PITPNM3: variants seen among roughly 807,000 people sequenced by gnomAD.
PITPNM3 encodes membrane-associated phosphatidylinositol transfer protein 3.
PITPNM3 carries 26 observed loss-of-function variants against 102.0 expected under a neutral mutation model. The observed-to-expected ratio is 0.25, with a 90% confidence interval of 0.19 to 0.35. The LOEUF (loss-of-function observed/expected upper bound fraction) is 0.35. PITPNM3 is among the 10% of genes least tolerant of loss of function. The pLI is 1.00. For synonymous variants in PITPNM3, 578 were observed against 558.6 expected, an observed-to-expected ratio of 1.03 and a Z score of -0.49; for missense variants, 1,083 against 1,346.1, an observed-to-expected ratio of 0.80 and a Z score of 3.06.
chr17:6,490,333 C>A (rs557821373), intron 4 of PITPNM3, among the ~76,000 whole-genome samples: 2 of 152,236 alleles, frequency 1.3e-5, no homozygotes, highest in East Asian at 3.9e-4. Context: ...ACACGCTCTG[C>A]AAACCACCGC....
At position 6,452,668 on chromosome 17, in the gene PITPNM3, G is replaced by C. The variant is rs918243921; in HGVS notation, c.*2670C>G. The C allele has an allele frequency of 6.6e-6, 1 of 152,142 alleles. No individual in the cohort carries two copies. The highest frequency in any genetic ancestry group is 1.5e-5 in the Non-Finnish European group (1 of 68,044). The allele number at this position is 152,142 out of a possible 1,614,324, so 9.4% of individuals were successfully genotyped here. On this transcript the variant is annotated 3_prime_UTR_variant, in exon 20 of 20. Coordinates refer to ENST00000262483, the MANE Select transcript of PITPNM3 (RefSeq NM_031220.4). ...GCAGTACTGAAACATACCTTGTCTC[G>C]CCACTAAACAGAACCGCAGGTACAC...
intron 3 of PITPNM3, among the ~76,000 whole-genome samples, chr17:6,514,482 A>C (rs552043582): frequency 1.2e-4 from 19 of 152,346 alleles, no homozygotes; most frequent in African/African-American, 4.3e-4. Context: ...TAAACAAACG[A>C]TGAATAAGCA....
At chr17:6,499,503 C>T (rs932074554) in intron 4 of PITPNM3, among the ~76,000 whole-genome samples, 5 of 152,154 alleles carry the variant, frequency 3.3e-5, no homozygotes, top group African/African-American at 9.7e-5. Context: ...ACCAGTAGAG[C>T]GCCAGAAAGA....
intron 18 of PITPNM3, chr17:6,461,019 C>A (rs535878637): frequency 2.5e-5 from 9 of 361,096 alleles, no homozygotes; most frequent in South Asian, 1.5e-4. Context: ...CCTCTGCCCC[C>A]CTGGTTCTGT....
chr17:6,464,897 T>G, intron 14 of PITPNM3, 126 bp from the exon 15 acceptor site: 1 of 901,384 alleles, frequency 1.1e-6, no homozygotes, highest in South Asian at 1.3e-5. Context: ...TCTACTAACT[T>G]CTGCTAGAGT....
At chr17:6,471,449 C>T (rs751553103) in intron 11 of PITPNM3, 94 bp from the exon 12 acceptor site, 53 of 1,249,680 alleles carry the variant, frequency 4.2e-5, no homozygotes, top group Non-Finnish European at 5.6e-5. Flanking sequence ...AGGCTGGGCA[C>T]TTGGAGGAGT....
chr17:6,491,901 C>T (rs915787990), intron 4 of PITPNM3, among the ~76,000 whole-genome samples: 8 of 128,970 alleles, frequency 6.2e-5, no homozygotes, highest in Admixed American at 4.1e-4. Context: ...AGGGGCTAGG[C>T]GCCATGGCTC....
chr17:6,506,910 G>A (rs1907548783), intron 3 of PITPNM3, among the ~76,000 whole-genome samples: 2 of 152,246 alleles, frequency 1.3e-5, no homozygotes, highest in Non-Finnish European at 2.9e-5. Flanking sequence ...ATCCAGGGTA[G>A]ACAAGAGTAT....
At chr17:6,479,128 G>C in intron 6 of PITPNM3, 1 of 202,606 alleles carries the variant, frequency 4.9e-6, no homozygotes, top group Non-Finnish European at 1.0e-5. Flanking sequence ...GGAGGAGGTG[G>C]GGCTTGAACT....
rs1359248886 is a variant in PITPNM3, at chr17:6,484,255, G to A, written c.312C>T (p.Phe104=). ...LYRVSLRRQR[F]PAQGSIEIHE... is the part of the protein sequence containing the mutation. ...GGATCTCGATGCTTCCCTGGGCTGG[G>A]AACCTCTGTCTTCTCAAGGAAACCC... The change falls in exon 5 of 20, where the codon TTC becomes TTT. Residue 104 remains phenylalanine, a synonymous_variant. Coordinates refer to ENST00000262483, the MANE Select transcript of PITPNM3 (RefSeq NM_031220.4). 1 of 1,612,556 alleles carries A rather than the reference G, an allele frequency of 6.2e-7. No individual in the cohort carries two copies. Among genetic ancestry groups the A allele is most frequent in the East Asian group, 2.2e-5 (1 of 44,876 alleles).
intron 2 of PITPNM3, among the ~76,000 whole-genome samples, chr17:6,527,512 G>A (rs1270483258): frequency 6.6e-6 from 1 of 152,078 alleles, no homozygotes; most frequent in South Asian, 2.1e-4. Flanking sequence ...TAGGAGCATG[G>A]GTGTTATGCC....
chr17:6,503,612 C>A (rs753677662), intron 3 of PITPNM3, 38 bp from the exon 4 acceptor site: 4 of 1,598,040 alleles, frequency 2.5e-6, no homozygotes, highest in South Asian at 2.2e-5. Context: ...AGATCCTTGA[C>A]ACTGTTGCCA....
chr17:6,497,299 G>C (rs1177966328), intron 4 of PITPNM3, among the ~76,000 whole-genome samples: 1 of 152,196 alleles, frequency 6.6e-6, no homozygotes, highest in Non-Finnish European at 1.5e-5. Context: ...AGGGCATTCA[G>C]AGCTGTTCCT....
chr17:6,542,778 G>C (rs562145265), intron 1 of PITPNM3, among the ~76,000 whole-genome samples: 14 of 152,354 alleles, frequency 9.2e-5, no homozygotes, highest in African/African-American at 3.1e-4. Flanking sequence ...CCAGGCAGCT[G>C]CCAGGGGCCC....
At chr17:6,500,546 T>C (rs1907107495) in intron 4 of PITPNM3, among the ~76,000 whole-genome samples, 1 of 152,162 alleles carries the variant, frequency 6.6e-6, no homozygotes, top group Admixed American at 6.5e-5. Flanking sequence ...TACATCACAG[T>C]ATTATTGTTT....
At chr17:6,507,608 A>G (rs1017985438) in intron 3 of PITPNM3, among the ~76,000 whole-genome samples, 20 of 151,890 alleles carry the variant, frequency 1.3e-4, no homozygotes, top group African/African-American at 4.8e-4. Flanking sequence ...ACACAAAAAC[A>G]CAGACTTGAA....
rs935749918 is a variant in PITPNM3 at position 6,510,006 on chromosome 17, G to T, written c.227-6432C>A. Reference sequence around the variant, plus strand: ...CTCCACACCTCACCCCCAGCCCAATGCTCCACACCCCAACCTCAGACAGGA... The same window carrying T: ...CTCCACACCTCACCCCCAGCCCAATTCTCCACACCCCAACCTCAGACAGGA... On this transcript the variant is annotated intron_variant, in intron 3 of 19. Transcript: ENST00000262483. Among the ~76,000 whole-genome samples, 6 of 145,898 alleles carry T rather than the reference G, an allele frequency of 4.1e-5. No individual in the cohort carries two copies. The Admixed American group carries it at 4.1e-4, about 10-fold the overall frequency.
intron 17 of PITPNM3, among the ~76,000 whole-genome samples, chr17:6,462,509 T>G (rs1413162296): frequency 6.6e-6 from 1 of 152,164 alleles, no homozygotes; most frequent in Admixed American, 6.6e-5. Flanking sequence ...ATTCCCATCT[T>G]CCATCTTTCA....
In PITPNM3 at chr17:6,453,135, C is replaced by CTCTCTCCCTCTCTCTCTT. The variant is rs1567655230; in HGVS notation, c.*2202_*2203insAAGAGAGAGAGGGAGAGA. On this transcript the variant is annotated 3_prime_UTR_variant, in exon 20 of 20. Coordinates refer to ENST00000262483, the MANE Select transcript of PITPNM3 (RefSeq NM_031220.4). ...TCTCTTTCTCTCTCCCTCTCTCTCT[C>CTCTCTCCCTCTCTCTCTT]TCTCTCTCCCTCTCTCTCTTTCTCT... The CTCTCTCCCTCTCTCTCTT allele has an allele frequency of 7.9e-5, 11 of 138,938 alleles. No individual in the cohort carries two copies. Among genetic ancestry groups the CTCTCTCCCTCTCTCTCTT allele is most frequent in the African/African-American group, 3.1e-4 (11 of 35,670 alleles). The allele number at this position is 138,938 out of a possible 1,614,324, so 8.6% of individuals were successfully genotyped here.
Sources: gnomAD v4.1 joint callset for allele counts (sites outside exome capture counted in the v4.1 genomes callset) on GRCh38, gnomAD v4.1.1 for gene constraint, MANE v1.5 for transcripts, NCBI Gene and HGNC (gene_info 2026-07-23, HGNC 2026-07-21) for gene names.